Variants in PLCB4 observed in about 807,000 individuals in gnomAD.
The protein encoded by PLCB4 is phospholipase C beta 4.
PLCB4 carries 77 observed loss-of-function variants against 178.8 expected under a neutral mutation model. That is an observed-to-expected ratio of 0.43 (90% CI 0.36 to 0.52). The LOEUF is 0.52. PLCB4 is among the 20% of genes least tolerant of loss of function. The pLI is 0.00. For missense variants in PLCB4, 1,024 were observed against 1,453.4 expected (o/e 0.70, Z 4.80); for synonymous variants, 496 against 490.8 (o/e 1.01, Z -0.14).
At chr20:9,130,358 CT>C (rs1465848725) in intron 2 of PLCB4, among the ~76,000 whole-genome samples, 3 of 152,176 alleles carry the variant, frequency 2.0e-5, no homozygotes, top group African/African-American at 7.2e-5. Flanking sequence ...AAAAATAAAT[CT>C]TTTAATTGTG....
intron 2 of PLCB4, among the ~76,000 whole-genome samples, chr20:9,143,975 G>A (rs2145246): frequency 0.2 from 30,835 of 152,006 alleles, 4,174 homozygotes; most frequent in East Asian, 0.55. Flanking sequence ...CTTTGTTGGA[G>A]AGTTAAAGGG....
At chr20:9,159,308 C>G (rs994880610) in intron 2 of PLCB4, among the ~76,000 whole-genome samples, 1 of 152,140 alleles carries the variant, frequency 6.6e-6, no homozygotes, top group East Asian at 1.9e-4. Flanking sequence ...TTTAAGCTTT[C>G]TCAAGTACAT....
chr20:9,297,181 T>TA (rs1301722260), intron 3 of PLCB4, among the ~76,000 whole-genome samples: 8 of 151,948 alleles, frequency 5.3e-5, no homozygotes, highest in African/African-American at 1.5e-4. Flanking sequence ...CATATATATA[T>TA]TTTTTTGCTA....
intron 2 of PLCB4, among the ~76,000 whole-genome samples, chr20:9,125,283 A>G (rs2092081780): frequency 6.6e-6 from 1 of 152,238 alleles, no homozygotes; most frequent in African/African-American, 2.4e-5. Context: ...AATTCATAAA[A>G]CTAAAAACTT....
chr20:9,399,286 C>A (rs1176198311), intron 19 of PLCB4, among the ~76,000 whole-genome samples: 1 of 152,168 alleles, frequency 6.6e-6, no homozygotes, highest in Admixed American at 6.5e-5. Flanking sequence ...ACAGAATCAT[C>A]CACCTAGATG....
chr20:9,461,824 C>T (rs557210474), intron 35 of PLCB4, among the ~76,000 whole-genome samples: 7 of 152,336 alleles, frequency 4.6e-5, no homozygotes, highest in East Asian at 1.9e-4. Context: ...TCTCTGTGGG[C>T]AGGGCATAGC....
In PLCB4 at chr20:9,365,342, GT is replaced by G. The variant is rs773900045; in HGVS notation, c.450-118del. The G allele has an allele frequency of 1.0e-4, 65 of 646,230 alleles. 1 individual carries two copies. Among genetic ancestry groups the G allele is most frequent in the Non-Finnish European group, 1.6e-4 (57 of 360,456 alleles). 40.0% of individuals were successfully genotyped at this position (646,230 alleles called of 1,614,324 possible). On this transcript the variant is annotated intron_variant, in intron 8 of 39. Transcript: ENST00000378473. ...TAAATTCATCTTATAGCACATAATT[GT>G]CTGATTTTCAGAACCAATGTTCTTG...
chr20:9,097,957 G>A (rs1342066674), intron 2 of PLCB4, among the ~76,000 whole-genome samples: 1 of 152,126 alleles, frequency 6.6e-6, no homozygotes, highest in Non-Finnish European at 1.5e-5. Flanking sequence ...GTGTAAATTT[G>A]GCATTTGGAC....
At chr20:9,256,306 T>G (rs2094235189) in intron 3 of PLCB4, among the ~76,000 whole-genome samples, 2 of 152,150 alleles carry the variant, frequency 1.3e-5, no homozygotes, top group Admixed American at 1.3e-4. Context: ...CATCCTTAGT[T>G]GATGAGCCTT....
At chr20:9,171,607 A>T (rs1166033424) in intron 2 of PLCB4, among the ~76,000 whole-genome samples, 1 of 152,194 alleles carries the variant, frequency 6.6e-6, no homozygotes, top group Non-Finnish European at 1.5e-5. Flanking sequence ...AACACTTGCT[A>T]CAGTCAGTTT....
intron 21 of PLCB4, among the ~76,000 whole-genome samples, chr20:9,406,352 C>T (rs371260601): frequency 2.7e-4 from 41 of 152,162 alleles, no homozygotes; most frequent in African/African-American, 9.6e-4. Flanking sequence ...CAGGAGGACA[C>T]ATTAAGAAAA....
intron 3 of PLCB4, among the ~76,000 whole-genome samples, chr20:9,268,917 G>T (rs952987286): frequency 1.3e-5 from 2 of 152,168 alleles, no homozygotes; most frequent in African/African-American, 4.8e-5. Flanking sequence ...CCTCATTGTT[G>T]CATTTCTCCT....
intron 7 of PLCB4, among the ~76,000 whole-genome samples, chr20:9,344,081 A>C (rs2033539012): frequency 6.6e-6 from 1 of 152,176 alleles, no homozygotes; most frequent in African/African-American, 2.4e-5. Flanking sequence ...AATTCAGATC[A>C]CATCACTCCA....
At chr20:9,376,201 T>A (rs2036655981) in intron 12 of PLCB4, among the ~76,000 whole-genome samples, 1 of 152,042 alleles carries the variant, frequency 6.6e-6, no homozygotes, top group Non-Finnish European at 1.5e-5. Context: ...ACCAGCAGCA[T>A]CGGCACCCCT....
chr20:9,098,477 A>G (rs1442249714), intron 2 of PLCB4, among the ~76,000 whole-genome samples: 1 of 151,910 alleles, frequency 6.6e-6, no homozygotes, highest in East Asian at 2.0e-4. Flanking sequence ...ACATATCTGC[A>G]AGGTCGCCAG....
intron 2 of PLCB4, among the ~76,000 whole-genome samples, chr20:9,131,172 T>G (rs2092263011): frequency 6.6e-6 from 1 of 152,200 alleles, no homozygotes; most frequent in Non-Finnish European, 1.5e-5. Context: ...GTTTAGCTAG[T>G]AATCTTTCGG....
At chr20:9,186,839 C>A (rs1285797497) in intron 2 of PLCB4, among the ~76,000 whole-genome samples, 1 of 152,130 alleles carries the variant, frequency 6.6e-6, no homozygotes, top group Non-Finnish European at 1.5e-5. Flanking sequence ...ACAGGAAACC[C>A]CCAATGAAAC....
At chr20:9,107,515 G>A (rs1212070235) in intron 2 of PLCB4, among the ~76,000 whole-genome samples, 2 of 152,140 alleles carry the variant, frequency 1.3e-5, no homozygotes, top group Admixed American at 1.3e-4. Context: ...TCTGTGGGGG[G>A]CGACCTCCTC....
At chr20:9,267,866 G>T (rs1388471075) in intron 3 of PLCB4, among the ~76,000 whole-genome samples, 1 of 152,090 alleles carries the variant, frequency 6.6e-6, no homozygotes, top group East Asian at 1.9e-4. Context: ...GTGGGTCTGT[G>T]GCTTCAGAAA....
Sources: allele counts gnomAD v4.1 joint callset (sites outside exome capture counted in the v4.1 genomes callset), GRCh38; gene constraint gnomAD v4.1.1; transcripts MANE v1.5; gene names NCBI Gene and HGNC (gene_info 2026-07-23, HGNC 2026-07-21).